CDH12: variants seen among roughly 807,000 people sequenced by gnomAD.
CDH12 encodes cadherin-12.
A neutral mutation model predicts 74.1 loss-of-function variants in CDH12; 41 were observed. The observed-to-expected ratio is 0.55, with a 90% CI of 0.43 to 0.72. The LOEUF (loss-of-function observed/expected upper bound fraction) is 0.72, where lower values mean the gene tolerates loss of function less well. Among genes scored for constraint, CDH12 ranks in the 30% least tolerant of loss-of-function variants. The pLI, the probability that CDH12 is intolerant of heterozygous loss-of-function variation, is 0.00. For synonymous variants in CDH12, 399 were observed against 355.0 expected (o/e 1.12, Z -1.39); for missense variants, 945 against 977.2 (o/e 0.97, Z 0.44).
intron 3 of CDH12, among the ~76,000 whole-genome samples, chr5:22,256,377 G>A (rs183238170): frequency 2.6e-5 from 4 of 152,254 alleles, no homozygotes; most frequent in East Asian, 1.9e-4. Flanking sequence ...CATTACTCAC[G>A]TCTGTGGTGA....
intron 4 of CDH12, among the ~76,000 whole-genome samples, chr5:22,133,491 C>T (rs1746285014): frequency 6.6e-6 from 1 of 152,066 alleles, no homozygotes; most frequent in African/African-American, 2.4e-5. Context: ...GAAGATAAAA[C>T]TTAGACTCAT....
chr5:21,824,238 G>A (rs6452004), intron 8 of CDH12, among the ~76,000 whole-genome samples: 1,824 of 151,886 alleles, frequency 0.012, 38 homozygotes, highest in African/African-American at 0.041. Flanking sequence ...TTCCTGGGGT[G>A]TTTTCACCTC....
chr5:22,584,316 C>A (rs1452966898), intron 1 of CDH12, among the ~76,000 whole-genome samples: 1 of 151,946 alleles, frequency 6.6e-6, no homozygotes, highest in Non-Finnish European at 1.5e-5. Flanking sequence ...ATCAGGCTGG[C>A]CTCAAACTCC....
chr5:22,424,285 A>G (rs1028245981), intron 2 of CDH12, among the ~76,000 whole-genome samples: 6 of 152,098 alleles, frequency 3.9e-5, no homozygotes, highest in South Asian at 2.1e-4. Context: ...AACAACAAAT[A>G]GGATATAATC....
At chr5:22,591,683 G>T (rs1249791746) in intron 1 of CDH12, among the ~76,000 whole-genome samples, 5 of 152,032 alleles carry the variant, frequency 3.3e-5, no homozygotes, top group African/African-American at 1.2e-4. Flanking sequence ...GTCCCCAGCT[G>T]TCCCCAAGTC....
At chr5:21,881,491 C>A (rs149286656) in intron 6 of CDH12, among the ~76,000 whole-genome samples, 258 of 152,288 alleles carry the variant, frequency 1.7e-3, no homozygotes, top group Middle Eastern at 6.8e-3. Flanking sequence ...TGCTCACAGC[C>A]ACTACCCTAG....
chr5:22,810,086 C>A (rs1749060048), intron 1 of CDH12, among the ~76,000 whole-genome samples: 1 of 151,898 alleles, frequency 6.6e-6, no homozygotes, highest in African/African-American at 2.4e-5. Context: ...CCAGGGGAAA[C>A]AAAATGAGGT....
At chr5:22,651,886 TCAAGTTCTAAGTTC>T (rs1739763162) in intron 1 of CDH12, among the ~76,000 whole-genome samples, 1 of 152,074 alleles carries the variant, frequency 6.6e-6, no homozygotes, top group Non-Finnish European at 1.5e-5. Flanking sequence ...GCAAATCTTT[TCAAGTTCTAAGTTC>T]CAAGTTCTAG....
At chr5:22,844,159 A>G (rs1476964720) in intron 1 of CDH12, among the ~76,000 whole-genome samples, 2 of 152,078 alleles carry the variant, frequency 1.3e-5, no homozygotes, top group Non-Finnish European at 2.9e-5. Flanking sequence ...AAGAAAATTG[A>G]CTGAAATTTC....
intron 4 of CDH12, among the ~76,000 whole-genome samples, chr5:22,167,696 C>G (rs1322172515): frequency 1.3e-5 from 2 of 152,090 alleles, no homozygotes; most frequent in Non-Finnish European, 2.9e-5. Context: ...TAGTTAATAA[C>G]ATCATGATGA....
At chr5:22,714,852 C>T (rs930190700) in intron 1 of CDH12, among the ~76,000 whole-genome samples, 3 of 152,138 alleles carry the variant, frequency 2.0e-5, no homozygotes, top group Admixed American at 2.0e-4. Context: ...TAACAACGTA[C>T]TTTGTTGGTA....
chr5:22,593,784 T>C (rs1736465641), intron 1 of CDH12, among the ~76,000 whole-genome samples: 1 of 152,208 alleles, frequency 6.6e-6, no homozygotes, highest in Admixed American at 6.5e-5. Flanking sequence ...TGCAGGTATT[T>C]GTTCCTCTTT....
chr5:22,103,803 A>G (rs576795563), intron 4 of CDH12, among the ~76,000 whole-genome samples: 1 of 152,324 alleles, frequency 6.6e-6, no homozygotes, highest in African/African-American at 2.4e-5. Context: ...ATTTAACATG[A>G]TTTTGTAGTG....
At chr5:22,826,354 C>G (rs1437567001) in intron 1 of CDH12, among the ~76,000 whole-genome samples, 1 of 152,286 alleles carries the variant, frequency 6.6e-6, no homozygotes, top group Admixed American at 6.5e-5. Context: ...CATTAAAGCT[C>G]TTTCCTTTGT....
intron 1 of CDH12, among the ~76,000 whole-genome samples, chr5:22,519,990 T>C (rs1174804647): frequency 2.6e-5 from 4 of 152,138 alleles, no homozygotes; most frequent in Non-Finnish European, 1.5e-5. Context: ...GTTTAAGAGA[T>C]ATAAAAATGT....
At chr5:21,804,661 C>A (rs1356857516) in intron 9 of CDH12, among the ~76,000 whole-genome samples, 1,992 of 147,388 alleles carry the variant, frequency 0.014, 74 homozygotes, top group African/African-American at 0.05. Flanking sequence ...CACACACACA[C>A]ACACACACAC....
chr5:22,127,090 C>T (rs140155744), intron 4 of CDH12, among the ~76,000 whole-genome samples: 3,132 of 151,946 alleles, frequency 0.021, 115 homozygotes, highest in African/African-American at 0.072. Context: ...CATAGCATGC[C>T]GCAGAAATCA....
rs377204885 is a variant in CDH12, at chr5:21,975,580, C to G, written c.232-195G>C. Among the ~76,000 whole-genome samples the G allele has an allele frequency of 2.0e-4, 30 of 152,236 alleles. No homozygotes were observed. The South Asian group carries it at 5.2e-3, about 26-fold the overall frequency. The stretch of plus-strand genomic sequence containing the variant: ...ACTTCTTTTTATAAAAATTTCAACA[C>G]AAAAAGTTGAAAACTGTGCGATGAA... On this transcript the variant is annotated intron_variant, in intron 5 of 14. Transcript: ENST00000382254.
chr5:22,478,291 G>A lies in CDH12; in HGVS notation c.-428+26979C>T, dbSNP rs183072096. On this transcript the variant is annotated intron_variant, in intron 2 of 14. Transcript: ENST00000382254. Reference sequence around the variant, plus strand: ...AAATAAGCCGGGCGAGGTGGCGGGCGCCTGTAGTCCCAGCTACTCGGGAGG... The same window carrying A: ...AAATAAGCCGGGCGAGGTGGCGGGCACCTGTAGTCCCAGCTACTCGGGAGG... Among the ~76,000 whole-genome samples, 251 of 151,488 alleles carry A rather than the reference G, an allele frequency of 1.7e-3. 1 individual carries two copies. Among genetic ancestry groups the A allele is most frequent in the Non-Finnish European group, 3.1e-3 (212 of 67,856 alleles).
Sources: allele counts gnomAD v4.1 joint callset (sites outside exome capture counted in the v4.1 genomes callset), GRCh38; gene constraint gnomAD v4.1.1; transcripts MANE v1.5; gene names NCBI Gene and HGNC (gene_info 2026-07-23, HGNC 2026-07-21).